Variants in RSRC1 observed in about 807,000 individuals in gnomAD.
RSRC1 encodes the protein arginine and serine rich coiled-coil 1, also known as serine/Arginine-related protein 53.
Under a neutral mutation model 49.1 loss-of-function variants are expected in RSRC1, and 39 were observed. The observed-to-expected ratio is 0.79, with a 90% CI of 0.61 to 1.04. RSRC1 has a LOEUF of 1.04. RSRC1 is among the 50% of genes least tolerant of loss of function. The probability of loss-of-function intolerance (pLI) is 0.00; values close to 1 mark genes in which losing one functional copy is unlikely to be tolerated. For synonymous variants in RSRC1, 143 were observed against 130.8 expected, an observed-to-expected ratio of 1.09 and a Z score of -0.63; for missense variants, 388 against 402.4, an observed-to-expected ratio of 0.96 and a Z score of 0.31.
intron 4 of RSRC1, among the ~76,000 whole-genome samples, chr3:158,220,435 C>T (rs142229762): frequency 6.6e-6 from 1 of 151,560 alleles, no homozygotes; most frequent in African/African-American, 2.4e-5. Context: ...GACGCCGTAC[C>T]GAAAGCCAAC....
intron 6 of RSRC1, among the ~76,000 whole-genome samples, chr3:158,397,084 A>T (rs1027280115): frequency 2.0e-5 from 3 of 152,174 alleles, no homozygotes; most frequent in Non-Finnish European, 4.4e-5. Flanking sequence ...TAATCTTTAT[A>T]TTAGACTTCT....
intron 6 of RSRC1, among the ~76,000 whole-genome samples, chr3:158,364,889 AAG>A (rs1170673082): frequency 1.3e-5 from 2 of 150,568 alleles, no homozygotes; most frequent in African/African-American, 4.8e-5. Flanking sequence ...TAATTTAATA[AAG>A]TCTATAGAGA....
chr3:158,403,596 A>G (rs1218990136), intron 6 of RSRC1, among the ~76,000 whole-genome samples: 1 of 151,836 alleles, frequency 6.6e-6, no homozygotes, highest in East Asian at 1.9e-4. Context: ...ATATACCTCA[A>G]CTGAGACATA....
chr3:158,268,592 A>C (rs1242532897), intron 4 of RSRC1, among the ~76,000 whole-genome samples: 1 of 151,964 alleles, frequency 6.6e-6, no homozygotes, highest in Admixed American at 6.6e-5. Flanking sequence ...TATAACAGTA[A>C]CTCTTCACTT....
At chr3:158,518,700 A>C (rs1212613623) in intron 7 of RSRC1, among the ~76,000 whole-genome samples, 1 of 152,152 alleles carries the variant, frequency 6.6e-6, no homozygotes, top group African/African-American at 2.4e-5. Context: ...AATTTTCCAA[A>C]TCTAGTATAA....
intron 7 of RSRC1, among the ~76,000 whole-genome samples, chr3:158,496,052 T>C (rs17684859): frequency 0.21 from 32,307 of 152,098 alleles, 3,821 homozygotes; most frequent in South Asian, 0.3. Flanking sequence ...GAATGATCTC[T>C]TCTTTTGTGG....
intron 4 of RSRC1, among the ~76,000 whole-genome samples, chr3:158,232,273 A>G (rs1229875595): frequency 6.6e-6 from 1 of 152,162 alleles, no homozygotes; most frequent in Admixed American, 6.5e-5. Flanking sequence ...GCTTAGAGAA[A>G]TAAAATTATA....
At chr3:158,386,176 A>AT (rs965186314) in intron 6 of RSRC1, among the ~76,000 whole-genome samples, 2 of 151,980 alleles carry the variant, frequency 1.3e-5, no homozygotes, top group African/African-American at 4.8e-5. Flanking sequence ...AAAAAAAGGC[A>AT]TTTTTTAAAA....
chr3:158,418,022 C>G (rs1734839768), intron 6 of RSRC1, among the ~76,000 whole-genome samples: 1 of 151,756 alleles, frequency 6.6e-6, no homozygotes, highest in Non-Finnish European at 1.5e-5. Context: ...ATAGCTTTTC[C>G]TAGAAGGGAA....
intron 4 of RSRC1, among the ~76,000 whole-genome samples, chr3:158,289,325 C>T (rs1726774285): frequency 6.6e-6 from 1 of 152,170 alleles, no homozygotes; most frequent in African/African-American, 2.4e-5. Context: ...TCCATACCAG[C>T]TTAAGTGTTC....
At chr3:158,119,830 G>GTA (rs1476356131) in intron 1 of RSRC1, among the ~76,000 whole-genome samples, 2 of 93,134 alleles carry the variant, frequency 2.1e-5, no homozygotes, top group African/African-American at 4.7e-5. Flanking sequence ...TAATTTCATA[G>GTA]TCTTTTTTTT....
At chr3:158,518,122 GTGTGTATATATA>G (rs761862707) in intron 7 of RSRC1, among the ~76,000 whole-genome samples, 10 of 63,032 alleles carry the variant, frequency 1.6e-4, no homozygotes, top group Non-Finnish European at 2.7e-4. Flanking sequence ...GTGTGTGTGT[GTGTGTATATATA>G]TATATATATA....
intron 3 of RSRC1, among the ~76,000 whole-genome samples, chr3:158,157,233 T>A (rs1367763930): frequency 6.6e-6 from 1 of 152,228 alleles, no homozygotes; most frequent in East Asian, 1.9e-4. Flanking sequence ...ATGATTAATC[T>A]AGTACATACT....
At position 158,117,881 on chromosome 3, in the gene RSRC1, T is replaced by TTTTC. The variant is rs139354874; in HGVS notation, c.-2-4194_-2-4191dup. On this transcript the variant is annotated intron_variant, in intron 1 of 9. Transcript: ENST00000611884. ...TTCTGTTTGTAAAATGTCTGTCTCT[T>TTTTC]TTTCTTTCTTTCTTTCTTTCTTTCT... Among the ~76,000 whole-genome samples, 1,005 of 150,468 alleles carry TTTTC rather than the reference T, an allele frequency of 6.7e-3. 6 individuals carry two copies. Among genetic ancestry groups the TTTTC allele is most frequent in the Middle Eastern group, 0.014 (4 of 290 alleles).
intron 3 of RSRC1, among the ~76,000 whole-genome samples, chr3:158,195,920 G>C (rs1720576759): frequency 6.6e-6 from 1 of 151,988 alleles, no homozygotes; most frequent in Non-Finnish European, 1.5e-5. Flanking sequence ...ATAGTTTGAA[G>C]TCAGGTAGCG....
intron 6 of RSRC1, among the ~76,000 whole-genome samples, chr3:158,392,896 G>A (rs1032221582): frequency 3.3e-5 from 5 of 151,958 alleles, no homozygotes; most frequent in Non-Finnish European, 7.4e-5. Flanking sequence ...ATCTGCATAT[G>A]GCACATACTC....
At chr3:158,190,857 C>T (rs1720202650) in intron 3 of RSRC1, among the ~76,000 whole-genome samples, 1 of 151,912 alleles carries the variant, frequency 6.6e-6, no homozygotes, top group Admixed American at 6.6e-5. Context: ...CTGAAGATTT[C>T]GTATGGCTTT....
chr3:158,166,892 T>C (rs1356948215), intron 3 of RSRC1, among the ~76,000 whole-genome samples: 1 of 152,202 alleles, frequency 6.6e-6, no homozygotes, highest in African/African-American at 2.4e-5. Context: ...ATTGCTTGTT[T>C]ACAATAAGTA....
intron 3 of RSRC1, among the ~76,000 whole-genome samples, chr3:158,142,041 T>G (rs1008198556): frequency 2.0e-5 from 3 of 152,120 alleles, no homozygotes; most frequent in Non-Finnish European, 4.4e-5. Context: ...GAGGTTGCAG[T>G]GAGCCAAGAG....
Sources: allele counts gnomAD v4.1 joint callset (sites outside exome capture counted in the v4.1 genomes callset), GRCh38; gene constraint gnomAD v4.1.1; transcripts MANE v1.5; gene names NCBI Gene and HGNC (gene_info 2026-07-23, HGNC 2026-07-21).